The following DEFB119 variants were observed in gnomAD, a reference collection of about 807,000 sequenced individuals.
DEFB119 encodes the protein beta-defensin 119.
In DEFB119, 3 loss-of-function variants were observed where a neutral mutation model predicts 2.5. The observed-to-expected ratio is 1.19, with a 90% CI of 0.54 to 3.07. DEFB119 has a LOEUF of 3.07. DEFB119 is among the 30% of genes most tolerant of loss of function. DEFB119 has a pLI of 0.03. For synonymous variants in DEFB119, 29 were observed against 33.7 expected, an observed-to-expected ratio of 0.86 and a Z score of 0.48; for missense variants, 113 against 101.1, an observed-to-expected ratio of 1.12 and a Z score of -0.50.
intron 1 of DEFB119, among the ~76,000 whole-genome samples, chr20:31,387,569 G>T (rs1250329103): frequency 6.6e-6 from 1 of 152,088 alleles, no homozygotes; most frequent in Non-Finnish European, 1.5e-5. Context: ...CATTCCGAGG[G>T]AAGCCTGCCC....
chr20:31,390,510 G>C lies in DEFB119; in HGVS notation c.-27C>G. The C allele has an allele frequency of 6.2e-7, 1 of 1,611,210 alleles. No homozygotes were observed. The highest frequency in any genetic ancestry group is 8.5e-7 in the Non-Finnish European group (1 of 1,178,812). ...GCTGGCAGACCTGAGAGGAGGAGGT[G>C]GCTGAGCTGCAGGGGAAGGAAATAG... On this transcript the variant is annotated 5_prime_UTR_variant, in exon 1 of 2. Transcript: ENST00000376321.
chr20:31,377,424 A>G lies in DEFB119; in HGVS notation c.77T>C (p.Leu26Pro). 2 of 1,612,834 alleles carry G rather than the reference A, an allele frequency of 1.2e-6. No homozygotes were observed. Among genetic ancestry groups the G allele is most frequent in the Non-Finnish European group, 1.7e-6 (2 of 1,179,490 alleles). The part of the protein sequence containing the change: ...EPVISGKRHI[L>P]RCMGNSGICR... ...AATTCCACTGTTACCCATGCATCGA[A>G]GGATGTGGCGTTTGCCTGCCAAAGG... is the stretch of plus-strand genomic sequence containing the variant. Residue 26 changes from leucine to proline, a missense_variant, in exon 2 of 2, where the codon CTT becomes CCT. Leu to Pro is a moderately conservative substitution (Grantham distance 98, BLOSUM62 -3). Coordinates refer to ENST00000376321, the MANE Select transcript of DEFB119 (RefSeq NM_153289.4).
chr20:31,390,307 C>G, intron 1 of DEFB119, 116 bp downstream of exon 1: 2 of 975,832 alleles, frequency 2.0e-6, no homozygotes, highest in Non-Finnish European at 3.2e-6. Flanking sequence ...CTGGGCAAAC[C>G]TCCCGAAGCT....
chr20:31,377,443 C>A lies in DEFB119; in HGVS notation c.62-4G>T. The A allele has an allele frequency of 3.8e-6, 6 of 1,597,344 alleles. No individual in the cohort carries two copies. The Admixed American group carries it at 5.3e-5, about 14-fold the overall frequency. ...CATCGAAGGATGTGGCGTTTGCCTGCCAAAGGAAAAAAAATACAAATAGTT... is the reference window on the plus strand; with the variant it reads ...CATCGAAGGATGTGGCGTTTGCCTGACAAAGGAAAAAAAATACAAATAGTT... On this transcript the variant is annotated splice_polypyrimidine_tract_variant and splice_region_variant and intron_variant, in intron 1 of 1. Coordinates refer to ENST00000376321, the MANE Select transcript of DEFB119 (RefSeq NM_153289.4).
chr20:31,378,356 C>T (rs779450581), intron 1 of DEFB119: 1 of 1,614,178 alleles, frequency 6.2e-7, no homozygotes, highest in Non-Finnish European at 8.5e-7. Context: ...ACCCACCTGG[C>T]AGTATCCAGG....
At chr20:31,390,399 A>AC in intron 1 of DEFB119, 24 bp downstream of exon 1, 1 of 1,608,150 alleles carries the variant, frequency 6.2e-7, no homozygotes, top group South Asian at 1.1e-5. Context: ...AGGAACCCAG[A>AC]CCCCCGAGAG....
chr20:31,389,122 G>C, intron 1 of DEFB119: 1 of 1,614,218 alleles, frequency 6.2e-7, no homozygotes. Context: ...TGGTTGGATT[G>C]TTAAATAACG....
At chr20:31,383,342 G>T (rs886152698) in intron 1 of DEFB119, among the ~76,000 whole-genome samples, 2 of 151,906 alleles carry the variant, frequency 1.3e-5, no homozygotes, top group Admixed American at 1.3e-4. Context: ...CCAGGAGTTC[G>T]AACAAGCCTG....
chr20:31,383,504 A>AGCCTG (rs1273215470), intron 1 of DEFB119, among the ~76,000 whole-genome samples: 4 of 141,198 alleles, frequency 2.8e-5, no homozygotes, highest in Non-Finnish European at 6.0e-5. Context: ...ACTGCACTCC[A>AGCCTG]GCCTGGGCAA....
At chr20:31,387,340 G>T (rs1399438720) in intron 1 of DEFB119, among the ~76,000 whole-genome samples, 3 of 152,082 alleles carry the variant, frequency 2.0e-5, no homozygotes, top group Non-Finnish European at 2.9e-5. Context: ...CCAATACCAG[G>T]CACAACCCTA....
intron 1 of DEFB119, among the ~76,000 whole-genome samples, chr20:31,382,288 T>TA (rs1986531419): frequency 1.3e-5 from 2 of 152,186 alleles, no homozygotes; most frequent in African/African-American, 2.4e-5. Context: ...ATAGAGAGAT[T>TA]AAAAAAACAA....
intron 1 of DEFB119, among the ~76,000 whole-genome samples, chr20:31,387,295 C>A (rs1055393510): frequency 9.2e-5 from 14 of 152,122 alleles, no homozygotes; most frequent in African/African-American, 3.4e-4. Flanking sequence ...TAAAATAATT[C>A]TTTAAAAGAA....
intron 1 of DEFB119, among the ~76,000 whole-genome samples, chr20:31,384,336 A>G (rs1192269442): frequency 6.6e-6 from 1 of 152,238 alleles, no homozygotes; most frequent in Non-Finnish European, 1.5e-5. Context: ...GAGGTAATGG[A>G]TATCCCATTT....
chr20:31,380,963 CA>C (rs964497405), intron 1 of DEFB119, among the ~76,000 whole-genome samples: 2 of 152,094 alleles, frequency 1.3e-5, no homozygotes, highest in African/African-American at 2.4e-5. Flanking sequence ...TCTATATCTA[CA>C]AAAAATCTTG....
intron 1 of DEFB119, among the ~76,000 whole-genome samples, chr20:31,379,675 T>C (rs74747910): frequency 2.0e-5 from 3 of 151,320 alleles, no homozygotes; most frequent in Non-Finnish European, 4.4e-5. Context: ...TTTTTTTTTT[T>C]TTTGGTGAGA....
intron 1 of DEFB119, among the ~76,000 whole-genome samples, chr20:31,385,454 C>A (rs1643958594): frequency 6.6e-6 from 1 of 151,316 alleles, no homozygotes; most frequent in African/African-American, 2.4e-5. Context: ...TGTCACCTCT[C>A]TGGACTTCAG....
intron 1 of DEFB119, chr20:31,378,463 A>T: frequency 6.2e-7 from 1 of 1,602,138 alleles, no homozygotes; most frequent in South Asian, 1.1e-5. Flanking sequence ...AATAATATCA[A>T]AAACATCCGC....
chr20:31,386,064 C>G (rs1006310488), intron 1 of DEFB119, among the ~76,000 whole-genome samples: 5 of 152,010 alleles, frequency 3.3e-5, no homozygotes, highest in Non-Finnish European at 7.4e-5. Context: ...GTTGCAGTGG[C>G]TGAAGAGAAG....
chr20:31,385,675 T>C (rs1663402150), intron 1 of DEFB119, among the ~76,000 whole-genome samples: 1 of 152,110 alleles, frequency 6.6e-6, no homozygotes, highest in South Asian at 2.1e-4. Flanking sequence ...GAGAGCAGAC[T>C]GGGCAACATA....
Sources: gnomAD v4.1 joint callset for allele counts (sites outside exome capture counted in the v4.1 genomes callset) on GRCh38, gnomAD v4.1.1 for gene constraint, MANE v1.5 for transcripts, NCBI Gene and HGNC (gene_info 2026-07-23, HGNC 2026-07-21) for gene names.